The following TANC2 variants were observed in gnomAD, a reference collection of about 807,000 sequenced individuals.
TANC2 encodes protein TANC2.
A neutral mutation model predicts 210.5 loss-of-function variants in TANC2; 26 were observed. The observed-to-expected ratio is 0.12, with a 90% CI of 0.09 to 0.17. TANC2 has a LOEUF of 0.17. TANC2 is among the 10% of genes least tolerant of loss of function. The probability of loss-of-function intolerance (pLI) is 1.00; values close to 1 mark genes in which losing one functional copy is unlikely to be tolerated. For missense variants in TANC2, 2,129 were observed against 2,608.9 expected (o/e 0.82, Z 4.01); for synonymous variants, 931 against 967.1 (o/e 0.96, Z 0.69).
At chr17:62,970,749 C>G (rs1026050350) in intron 1 of TANC2, among the ~76,000 whole-genome samples, 2 of 152,300 alleles carry the variant, frequency 1.3e-5, no homozygotes, top group Admixed American at 1.3e-4. Flanking sequence ...ATTGGGCACA[C>G]TAGCTGAATA....
At chr17:63,339,312 C>T (rs921980786) in intron 11 of TANC2, among the ~76,000 whole-genome samples, 1 of 152,122 alleles carries the variant, frequency 6.6e-6, no homozygotes, top group African/African-American at 2.4e-5. Flanking sequence ...ATTAAAATCC[C>T]CTTTGTACTT....
At chr17:63,319,560 G>A (rs1409177587) in intron 11 of TANC2, among the ~76,000 whole-genome samples, 1 of 152,060 alleles carries the variant, frequency 6.6e-6, no homozygotes, top group African/African-American at 2.4e-5. Context: ...CATGTTGGCC[G>A]GGCTTCTCTC....
At chr17:63,085,519 T>C (rs2036927865) in intron 3 of TANC2, among the ~76,000 whole-genome samples, 1 of 152,132 alleles carries the variant, frequency 6.6e-6, no homozygotes, top group Non-Finnish European at 1.5e-5. Flanking sequence ...TTGCAATATA[T>C]ATTTACATAA....
chr17:63,422,053 A>G (rs2049038992), exon 28 of TANC2: 1 of 1,444,016 alleles, frequency 6.9e-7, no homozygotes, highest in African/African-American at 1.4e-5. Context: ...TTTCTCATGT[A>G]GTTTCTGTGT....
chr17:63,389,272 T>C, intron 16 of TANC2, 36 bp from the exon 17 acceptor site: 1 of 1,524,138 alleles, frequency 6.6e-7, no homozygotes, highest in Non-Finnish European at 9.0e-7. Flanking sequence ...GTGACTCCTG[T>C]TTGTCTAATT....
intron 11 of TANC2, chr17:63,332,358 A>G (rs188033749): frequency 4.3e-4 from 133 of 310,524 alleles, no homozygotes; most frequent in African/African-American, 2.7e-3. Context: ...TGAATTTTCT[A>G]CAGTAAGTTT....
At chr17:63,020,183 C>T (rs1394149173) in intron 2 of TANC2, among the ~76,000 whole-genome samples, 5 of 152,250 alleles carry the variant, frequency 3.3e-5, no homozygotes, top group Admixed American at 1.3e-4. Context: ...CTGCCTTGGC[C>T]TCCCAAAGTG....
chr17:63,416,242 G>A (rs770427265), intron 26 of TANC2, among the ~76,000 whole-genome samples: 5 of 152,052 alleles, frequency 3.3e-5, no homozygotes, highest in African/African-American at 4.8e-5. Context: ...GGTAAGCCAC[G>A]GTCCTTCCTG....
At chr17:63,375,766 CTT>C (rs1481150392) in intron 14 of TANC2, among the ~76,000 whole-genome samples, 3 of 146,416 alleles carry the variant, frequency 2.0e-5, no homozygotes, top group East Asian at 1.9e-4. Context: ...CAAAAAATAA[CTT>C]AATTCAAAAA....
At chr17:63,406,785 A>AG (rs1283154927) in intron 21 of TANC2, among the ~76,000 whole-genome samples, 1 of 152,230 alleles carries the variant, frequency 6.6e-6, no homozygotes, top group Non-Finnish European at 1.5e-5. Flanking sequence ...AAGTTAAAGG[A>AG]GATGATGATC....
chr17:63,408,012 G>A (rs2048569747), intron 21 of TANC2, among the ~76,000 whole-genome samples: 2 of 152,174 alleles, frequency 1.3e-5, no homozygotes, highest in South Asian at 4.1e-4. Flanking sequence ...AGGAATCTGG[G>A]GAGGCTTTAA....
chr17:63,229,854 C>T (rs986740637), intron 7 of TANC2, among the ~76,000 whole-genome samples: 1 of 151,010 alleles, frequency 6.6e-6, no homozygotes, highest in African/African-American at 2.4e-5. Context: ...ACTACAACCT[C>T]TGCCCTCTGG....
At chr17:63,245,995 G>A (rs1449991060) in intron 8 of TANC2, among the ~76,000 whole-genome samples, 1 of 142,520 alleles carries the variant, frequency 7.0e-6, no homozygotes, top group Non-Finnish European at 1.5e-5. Flanking sequence ...GGGATACAGA[G>A]TGAGACGCTG....
At chr17:63,011,810 T>C (rs942528993) in intron 2 of TANC2, among the ~76,000 whole-genome samples, 1 of 152,142 alleles carries the variant, frequency 6.6e-6, no homozygotes, top group Non-Finnish European at 1.5e-5. Flanking sequence ...CATTTCTGTG[T>C]GCTTATGCTG....
Position 63,420,537 on chromosome 17 carries a change from C to G in TANC2, c.4807C>G (p.Pro1603Ala), listed in dbSNP as rs776432017. The G allele has an allele frequency of 1.4e-5, 23 of 1,613,850 alleles. No homozygotes were observed. The highest frequency in any genetic ancestry group is 2.2e-5 in the South Asian group (2 of 91,072). Residue 1603 changes from proline (P) to alanine (A), a missense_variant, in exon 28 of 28, where the codon CCT becomes GCT. Pro to Ala is a conservative substitution (Grantham distance 27, BLOSUM62 -1). Coordinates refer to ENST00000689528, the Ensembl canonical transcript of TANC2. The surrounding 1 kb of genome is among the most constrained non-coding windows in gnomAD (Gnocchi z 4.2). The stretch of plus-strand genomic sequence containing the variant: ...GGGAGGATCTTACCGTTTCAGCCCC[C>G]CTCCTGTGGGAGGACAGGGCAAAGA...
At chr17:63,098,511 G>GTATATA (rs1286873668) in intron 3 of TANC2, among the ~76,000 whole-genome samples, 2 of 72,614 alleles carry the variant, frequency 2.8e-5, no homozygotes, top group Non-Finnish European at 2.5e-5. Context: ...CTCTCTCTCT[G>GTATATA]TGTGTATATA....
chr17:63,158,904 A>G (rs904444795), intron 5 of TANC2, among the ~76,000 whole-genome samples: 1 of 152,158 alleles, frequency 6.6e-6, no homozygotes, highest in Non-Finnish European at 1.5e-5. Flanking sequence ...ACACATAGTT[A>G]TTAGAAGGAT....
chr17:63,419,076 G>A (rs555176291), intron 27 of TANC2, among the ~76,000 whole-genome samples: 1 of 152,226 alleles, frequency 6.6e-6, no homozygotes, highest in African/African-American at 2.4e-5. Flanking sequence ...AGTGATCTTT[G>A]TGTAACTTGT....
chr17:63,400,089 ATG>A (rs2048296745), intron 19 of TANC2, among the ~76,000 whole-genome samples: 1 of 152,220 alleles, frequency 6.6e-6, no homozygotes, highest in Non-Finnish European at 1.5e-5. Context: ...GAGTATGCAT[ATG>A]TGTGTGACCC....
Sources: gnomAD v4.1 joint callset for allele counts (sites outside exome capture counted in the v4.1 genomes callset) on GRCh38, gnomAD v4.1.1 for gene constraint, Gnocchi (gnomAD v3.1) non-coding constraint, MANE v1.5 for transcripts, NCBI Gene and HGNC (gene_info 2026-07-23, HGNC 2026-07-21) for gene names.